Variants in MYLK4 observed in about 807,000 individuals in gnomAD.
MYLK4 encodes the protein caMLCK like.
MYLK4 carries 46 observed loss-of-function variants against 48.1 expected under a neutral mutation model. The ratio of observed to expected loss-of-function variants is 0.96; its 90% CI spans 0.75 to 1.22. The LOEUF (loss-of-function observed/expected upper bound fraction) is 1.22. MYLK4 is among the 50% of genes most tolerant of loss of function. The pLI is 0.00. For missense variants in MYLK4, 451 were observed against 486.1 expected (o/e 0.93, Z 0.68); for synonymous variants, 170 against 180.8 (o/e 0.94, Z 0.48).
At chr6:2,765,190 C>A in the MYLK4 span, among the ~76,000 whole-genome samples, 3 of 99,896 alleles carry the variant, frequency 3.0e-5, no homozygotes, top group South Asian at 4.5e-4. Flanking sequence ...CAACCCCCCC[C>A]CCCGCCCCTC....
chr6:2,678,410 C>G, intron 9 of MYLK4, 38 bp from the exon 10 acceptor site: 1 of 1,606,670 alleles, frequency 6.2e-7, no homozygotes, highest in East Asian at 2.2e-5. Flanking sequence ...ATTTTTTAAA[C>G]AGCCTCAACC....
At chr6:2,730,821 G>C (rs778426387) in intron 2 of MYLK4, among the ~76,000 whole-genome samples, 2 of 152,082 alleles carry the variant, frequency 1.3e-5, no homozygotes, top group Non-Finnish European at 2.9e-5. Flanking sequence ...GAAAATTCTT[G>C]ACATCCTAAG....
At chr6:2,769,249 A>G in the MYLK4 span, among the ~76,000 whole-genome samples, 3 of 152,232 alleles carry the variant, frequency 2.0e-5, no homozygotes, top group African/African-American at 7.2e-5. Flanking sequence ...TTACTTTAAC[A>G]GTATTTTTAT....
chr6:2,688,311 A>C (rs2004623), intron 4 of MYLK4, among the ~76,000 whole-genome samples: 5 of 152,016 alleles, frequency 3.3e-5, no homozygotes, highest in East Asian at 1.9e-4. Context: ...TGCCCGCCTC[A>C]GTTTCCCAAA....
chr6:2,724,652 T>G (rs1349969406), intron 2 of MYLK4, among the ~76,000 whole-genome samples: 1 of 150,068 alleles, frequency 6.7e-6, no homozygotes, highest in African/African-American at 2.4e-5. Flanking sequence ...AAAGTGCATT[T>G]CTTGCAGGAT....
In MYLK4 at chr6:2,692,800, C is replaced by A; in HGVS notation, c.219G>T (p.Arg73Ser). 1.9e-6 allele frequency: 3 copies of A among 1,613,850 alleles called. No individual in the cohort carries two copies. The highest frequency in any genetic ancestry group is 1.3e-5 in the African/African-American group (1 of 75,056). Residue 73 changes from arginine to serine, a missense_variant, in exon 3 of 13, where the codon AGG (arginine) becomes AGT (serine). Coordinates refer to ENST00000274643, the MANE Select transcript of MYLK4 (RefSeq NM_001012418.5). ...LTERMPVKSK[R>S]TSALAVDIPA... ...AGATGTTACCTGCGAGGGCTGATGT[C>A]CTTTTGCTTTTGACGGGCATCCTTT...
At chr6:2,692,903 G>A in intron 2 of MYLK4, 44 bp from the exon 3 acceptor site, 1 of 1,573,304 alleles carries the variant, frequency 6.4e-7, no homozygotes, top group Non-Finnish European at 8.7e-7. Flanking sequence ...TATCACATCT[G>A]GGCTTTTCAA....
At chr6:2,699,282 C>CTTTTTT (rs1762184790) in intron 2 of MYLK4, among the ~76,000 whole-genome samples, 5 of 63,570 alleles carry the variant, frequency 7.9e-5, no homozygotes, top group African/African-American at 2.5e-4. Flanking sequence ...CTTTTCTTTT[C>CTTTTTT]TTTTCTTTTT....
At chr6:2,715,122 G>A (rs1436485722) in intron 2 of MYLK4, among the ~76,000 whole-genome samples, 1 of 152,132 alleles carries the variant, frequency 6.6e-6, no homozygotes, top group Admixed American at 6.5e-5. Context: ...AAATTGGCCA[G>A]GTGTGGTGGC....
chr6:2,745,924 CAAAA>C (rs1224875872), intron 2 of MYLK4, among the ~76,000 whole-genome samples: 1 of 119,576 alleles, frequency 8.4e-6, no homozygotes. Context: ...GAAGCTGTCT[CAAAA>C]AAAAAAAAAG....
At chr6:2,755,754 T>C (rs1333357094), upstream of MYLK4, among the ~76,000 whole-genome samples, 1 of 152,186 alleles carries the variant, frequency 6.6e-6, no homozygotes, top group Admixed American at 6.5e-5. Context: ...TCTCTCTTTT[T>C]TGTAATCCTT....
intron 6 of MYLK4, among the ~76,000 whole-genome samples, chr6:2,684,447 G>A (rs1163080680): frequency 6.6e-6 from 1 of 152,152 alleles, no homozygotes; most frequent in Non-Finnish European, 1.5e-5. Flanking sequence ...GGAGGACCAC[G>A]ATACTATACT....
the MYLK4 span, among the ~76,000 whole-genome samples, chr6:2,764,157 C>T: frequency 6.6e-6 from 1 of 152,142 alleles, no homozygotes; most frequent in African/African-American, 2.4e-5. Context: ...TCACGATCCT[C>T]TTTTGGTAGT....
chr6:2,721,262 C>T (rs1197394116), intron 2 of MYLK4, among the ~76,000 whole-genome samples: 1 of 152,182 alleles, frequency 6.6e-6, no homozygotes, highest in Non-Finnish European at 1.5e-5. Flanking sequence ...AAATGTCCAG[C>T]ACAATGAATG....
At chr6:2,767,009 C>T in the MYLK4 span, among the ~76,000 whole-genome samples, 1 of 152,230 alleles carries the variant, frequency 6.6e-6, no homozygotes, top group Admixed American at 6.5e-5. Context: ...TAAATATACT[C>T]ATGTATTTAC....
chr6:2,706,530 G>A (rs1213108068), intron 2 of MYLK4, among the ~76,000 whole-genome samples: 1 of 152,124 alleles, frequency 6.6e-6, no homozygotes, highest in Non-Finnish European at 1.5e-5. Flanking sequence ...ATACCTCAGT[G>A]AAGCTTTTTT....
chr6:2,692,650 G>A (rs1761850719), intron 3 of MYLK4, 134 bp downstream of exon 3: 1 of 580,590 alleles, frequency 1.7e-6, no homozygotes, highest in Non-Finnish European at 2.7e-6. Context: ...AAAGGGGGGG[G>A]GGGGCATTTT....
rs1760982141 is a variant in MYLK4 at position 2,673,614 on chromosome 6, TG to T, written c.1119+1432del. Among the ~76,000 whole-genome samples the T allele has an allele frequency of 6.6e-6, 1 of 152,208 alleles. No individual in the cohort carries two copies. Among genetic ancestry groups the T allele is most frequent in the Admixed American group, 6.5e-5 (1 of 15,280 alleles). ...GATAGGTACATCAGACAGGTCCTGG[TG>T]GGCCCAAAGGTTGGCATGGCGTCTT... is the stretch of plus-strand genomic sequence containing the variant. On this transcript the variant is annotated intron_variant, in intron 11 of 12. Coordinates refer to ENST00000274643, the MANE Select transcript of MYLK4 (RefSeq NM_001012418.5). This position sits in a 1 kb window ranked among gnomAD's most constrained non-coding sequence, Gnocchi z 4.2.
At chr6:2,769,020 G>A in the MYLK4 span, 7 of 765,714 alleles carry the variant, frequency 9.1e-6, no homozygotes, top group African/African-American at 1.1e-4. Flanking sequence ...TCTCCTTCAA[G>A]CCTATTTCTC....
Sources: gnomAD v4.1 joint callset for allele counts (sites outside exome capture counted in the v4.1 genomes callset) on GRCh38, gnomAD v4.1.1 for gene constraint, Gnocchi (gnomAD v3.1) non-coding constraint, MANE v1.5 for transcripts, NCBI Gene and HGNC (gene_info 2026-07-23, HGNC 2026-07-21) for gene names.